Variants in TVP23C observed in about 807,000 individuals in gnomAD.
TVP23C encodes trans-golgi network vesicle protein 23 homolog C.
In TVP23C, 19 loss-of-function variants were observed where a neutral mutation model predicts 28.7. That is an observed-to-expected ratio of 0.66 (90% CI 0.46 to 0.97). The LOEUF is 0.97. Ranked by LOEUF, TVP23C falls within the 50% of genes least tolerant of loss-of-function variation. The pLI is 0.00. For synonymous variants in TVP23C, 68 were observed against 81.7 expected, an observed-to-expected ratio of 0.83 and a Z score of 0.90; for missense variants, 186 against 241.3, an observed-to-expected ratio of 0.77 and a Z score of 1.52.
intron 5 of TVP23C, among the ~76,000 whole-genome samples, chr17:15,529,111 T>A (rs1217764294): frequency 6.6e-6 from 1 of 152,192 alleles, no homozygotes; most frequent in Non-Finnish European, 1.5e-5. Flanking sequence ...GGACTATGCT[T>A]ACTCTTTTAT....
chr17:15,540,938 T>C (rs960199962), intron 5 of TVP23C, among the ~76,000 whole-genome samples: 1 of 152,228 alleles, frequency 6.6e-6, no homozygotes, highest in African/African-American at 2.4e-5. Flanking sequence ...ATTATTCCTA[T>C]AGGAATTACA....
At chr17:15,542,191 T>C (rs944842215) in intron 5 of TVP23C, among the ~76,000 whole-genome samples, 8 of 152,094 alleles carry the variant, frequency 5.3e-5, no homozygotes, top group Non-Finnish European at 8.8e-5. Context: ...CAGGAACTTA[T>C]AGAAAAGCAA....
At chr17:15,521,435 C>A (rs996257943) in intron 5 of TVP23C, among the ~76,000 whole-genome samples, 1 of 152,112 alleles carries the variant, frequency 6.6e-6, no homozygotes, top group East Asian at 1.9e-4. Context: ...GCCCAGGAGG[C>A]GGAGCTTGCA....
chr17:15,522,964 A>T (rs571380421), intron 5 of TVP23C, among the ~76,000 whole-genome samples: 1 of 152,238 alleles, frequency 6.6e-6, no homozygotes, highest in African/African-American at 2.4e-5. Context: ...CAAACCAAAC[A>T]AACAAAAAAC....
At position 15,540,118 on chromosome 17, in the gene TVP23C, C is replaced by T. The variant is rs1983349002; in HGVS notation, c.*294G>A. ...AAAAAATAAAAATAAAAACATACAA[C>T]ATACATTCTGCAAGGGCATTCACTT... On this transcript the variant is annotated 3_prime_UTR_variant, in exon 6 of 6. Transcript: ENST00000518321. 8.1e-7 allele frequency: 1 copy of T among 1,228,014 alleles called. No individual in the cohort carries two copies. Among genetic ancestry groups the T allele is most frequent in the Non-Finnish European group, 1.0e-6 (1 of 983,762 alleles). 76.1% of individuals were successfully genotyped at this position (1,228,014 alleles called of 1,614,324 possible).
intron 5 of TVP23C, among the ~76,000 whole-genome samples, chr17:15,528,696 C>A (rs1456608327): frequency 1.3e-5 from 2 of 151,798 alleles, no homozygotes; most frequent in East Asian, 3.9e-4. Flanking sequence ...GCTTCCACCT[C>A]CCGAGTTCAT....
intron 5 of TVP23C, among the ~76,000 whole-genome samples, chr17:15,520,738 G>T (rs1352756277): frequency 6.6e-6 from 1 of 152,108 alleles, no homozygotes; most frequent in African/African-American, 2.4e-5. Context: ...GCAAGCAAGG[G>T]TGCTTGATAC....
chr17:15,550,134 C>G (rs1238632929), intron 3 of TVP23C, among the ~76,000 whole-genome samples: 2 of 152,058 alleles, frequency 1.3e-5, no homozygotes, highest in East Asian at 3.9e-4. Flanking sequence ...ATTATTTTCC[C>G]TCTTTCTTGT....
At chr17:15,510,914 CGTG>C (rs1400063583) in intron 5 of TVP23C, among the ~76,000 whole-genome samples, 1 of 151,764 alleles carries the variant, frequency 6.6e-6, no homozygotes, top group African/African-American at 2.4e-5. Context: ...ATTAGTTAGG[CGTG>C]GTGGCAGGTG....
chr17:15,550,400 T>C lies in TVP23C; in HGVS notation c.241-3252A>G, dbSNP rs1983835429. 2.0e-5 allele frequency among the ~76,000 whole-genome samples: 3 copies of C among 152,212 alleles called. No homozygotes were observed. In the South Asian group the frequency reaches 6.2e-4, roughly 32 times the overall value. ...GTGCTTTGGGCAATTTTATTTTGAT[T>C]TTCTTCACAGTGATATTTAGTCAAT... On this transcript the variant is annotated intron_variant, in intron 3 of 5. Coordinates refer to ENST00000518321, the MANE Select transcript of TVP23C (RefSeq NM_001135036.2).
At chr17:15,522,460 C>T (rs892093797) in intron 5 of TVP23C, among the ~76,000 whole-genome samples, 6 of 152,112 alleles carry the variant, frequency 3.9e-5, no homozygotes, top group African/African-American at 1.4e-4. Flanking sequence ...TGGTATTTGA[C>T]AGAATGGCAT....
At chr17:15,562,062 C>T (rs541723434) in intron 1 of TVP23C, 6 of 152,338 alleles carry the variant, frequency 3.9e-5, no homozygotes, top group African/African-American at 1.2e-4. Flanking sequence ...GAATAATCCA[C>T]CCCTTATTAA....
intron 3 of TVP23C, among the ~76,000 whole-genome samples, chr17:15,552,303 A>G (rs1983928195): frequency 6.6e-6 from 1 of 152,206 alleles, no homozygotes; most frequent in African/African-American, 2.4e-5. Flanking sequence ...CCTAAAGAAA[A>G]CAGACCTTTG....
At chr17:15,506,377 A>C (rs1218255903) in intron 5 of TVP23C, among the ~76,000 whole-genome samples, 2 of 151,956 alleles carry the variant, frequency 1.3e-5, no homozygotes, top group Non-Finnish European at 2.9e-5. Context: ...ACCAGTCGAC[A>C]CTCTGTATCT....
chr17:15,538,273 A>G lies in TVP23C; in HGVS notation c.*2139T>C. On this transcript the variant is annotated 3_prime_UTR_variant, in exon 6 of 6. Transcript: ENST00000518321. Reference sequence around the variant, plus strand: ...TTCTAAGCAGAGCATTACCTTACATACAATGGCCCAATCACATTAAAAAGT... The same window carrying G: ...TTCTAAGCAGAGCATTACCTTACATGCAATGGCCCAATCACATTAAAAAGT... 1 of 1,514,844 alleles carries G rather than the reference A, an allele frequency of 6.6e-7. No individual in the cohort carries two copies. The allele number at this position is 1,514,844 out of a possible 1,614,324, so 93.8% of individuals were successfully genotyped here.
chr17:15,542,917 T>C (rs1983482121), intron 5 of TVP23C, among the ~76,000 whole-genome samples: 1 of 152,218 alleles, frequency 6.6e-6, no homozygotes, highest in Admixed American at 6.5e-5. Context: ...TAGGCATAAG[T>C]AGGTTAACAC....
intron 5 of TVP23C, among the ~76,000 whole-genome samples, chr17:15,506,081 G>T (rs532473402): frequency 6.6e-6 from 1 of 152,376 alleles, no homozygotes; most frequent in Admixed American, 6.5e-5. Context: ...CGAGCGCACG[G>T]CGCAGGACTG....
At chr17:15,519,026 C>T (rs1435637077) in intron 5 of TVP23C, among the ~76,000 whole-genome samples, 4 of 152,098 alleles carry the variant, frequency 2.6e-5, no homozygotes, top group Non-Finnish European at 5.9e-5. Context: ...CTCCTGCCAT[C>T]ATGTTAAATG....
chr17:15,550,016 T>C (rs1158627230), intron 3 of TVP23C, among the ~76,000 whole-genome samples: 1 of 152,224 alleles, frequency 6.6e-6, no homozygotes, highest in East Asian at 1.9e-4. Flanking sequence ...CAAACTCTTC[T>C]GTTTCCATTT....
Sources: gnomAD v4.1 joint callset for allele counts (sites outside exome capture counted in the v4.1 genomes callset) on GRCh38, gnomAD v4.1.1 for gene constraint, MANE v1.5 for transcripts, NCBI Gene and HGNC (gene_info 2026-07-23, HGNC 2026-07-21) for gene names.